The following MLLT3 variants were observed in gnomAD, a reference collection of about 807,000 sequenced individuals.
MLLT3 encodes the protein MLLT3 super elongation complex subunit, also known as protein AF-9.
A neutral mutation model predicts 53.2 loss-of-function variants in MLLT3; 4 were observed. That is an observed-to-expected ratio of 0.08 (90% CI 0.04 to 0.17). MLLT3 has a LOEUF of 0.17. Ranked by LOEUF, MLLT3 falls within the 10% of genes least tolerant of loss-of-function variation. The pLI is 1.00. For missense variants in MLLT3, 569 were observed against 684.0 expected, an observed-to-expected ratio of 0.83 and a Z score of 1.87; for synonymous variants, 283 against 230.6, an observed-to-expected ratio of 1.23 and a Z score of -2.06.
rs183036157 is a variant in MLLT3, at chr9:20,417,520, C to T, written c.421-3095G>A. Among the ~76,000 whole-genome samples the T allele has an allele frequency of 4.5e-4, 69 of 151,810 alleles. 1 individual carries two copies. The Middle Eastern group carries it at 0.01, about 23-fold the overall frequency. ...TAATTAGCATTCAATGTAAAGTTTA[C>T]ACATGTATAATTCAAATTCTCTTCG... On this transcript the variant is annotated intron_variant, in intron 4 of 10. Transcript: ENST00000380338.
intron 2 of MLLT3, among the ~76,000 whole-genome samples, chr9:20,553,630 T>G: frequency 6.6e-6 from 1 of 152,184 alleles, no homozygotes; most frequent in East Asian, 1.9e-4. Context: ...CCCATGCCTA[T>G]GACAGAAAAT....
Position 20,342,268 on chromosome 9 carries a change from C to T in MLLT3, c.*4175G>A. 1 of 222,918 alleles carries T rather than the reference C, an allele frequency of 4.5e-6. No individual in the cohort carries two copies. Among genetic ancestry groups the T allele is most frequent in the East Asian group, 6.6e-5 (1 of 15,260 alleles). 13.8% of individuals were successfully genotyped at this position (222,918 alleles called of 1,614,324 possible). A position where few individuals can be genotyped will look rare whatever the true frequency, so the allele number is the denominator to read the frequency against. On this transcript the variant is annotated 3_prime_UTR_variant, in exon 11 of 11. Transcript: ENST00000380338. ...TTTCTATCAATCTGTACTTACATTT[C>T]AACATGGATTTTAGAGAAGGGAAAT...
intron 2 of MLLT3, among the ~76,000 whole-genome samples, chr9:20,592,861 G>A (rs145281375): frequency 1.3e-5 from 2 of 152,146 alleles, no homozygotes; most frequent in African/African-American, 2.4e-5. Flanking sequence ...AACTATCCTG[G>A]GAATTTTAAG....
chr9:20,431,395 G>C (rs1037981856), intron 4 of MLLT3, among the ~76,000 whole-genome samples: 1 of 152,110 alleles, frequency 6.6e-6, no homozygotes, highest in Non-Finnish European at 1.5e-5. Context: ...GGGAACCACT[G>C]AGTTACAGCA....
chr9:20,465,501 A>AG (rs35586653), intron 2 of MLLT3, among the ~76,000 whole-genome samples: 113,924 of 152,006 alleles, frequency 0.75, 42,963 homozygotes, highest in African/African-American at 0.82. Context: ...TATCAATTGC[A>AG]TAGGGTGATA....
At chr9:20,418,268 T>C (rs1488826255) in intron 4 of MLLT3, 3 of 152,152 alleles carry the variant, frequency 2.0e-5, no homozygotes, top group Admixed American at 2.0e-4. Flanking sequence ...AAAATGTCAA[T>C]AAACACACAA....
At chr9:20,350,594 C>CAA (rs774973521) in intron 10 of MLLT3, among the ~76,000 whole-genome samples, 1 of 124,026 alleles carries the variant, frequency 8.1e-6, no homozygotes, top group Non-Finnish European at 1.5e-5. Flanking sequence ...GACTCCGTCT[C>CAA]AAAAAAAGAA....
chr9:20,596,506 A>G (rs1820270845), intron 2 of MLLT3, among the ~76,000 whole-genome samples: 1 of 152,194 alleles, frequency 6.6e-6, no homozygotes, highest in South Asian at 2.1e-4. Context: ...CCTGGCCAAC[A>G]TGGTGAGACC....
At chr9:20,584,578 C>T (rs1381584154) in intron 2 of MLLT3, among the ~76,000 whole-genome samples, 2 of 152,194 alleles carry the variant, frequency 1.3e-5, no homozygotes, top group Non-Finnish European at 2.9e-5. Flanking sequence ...GTGAAAGGCA[C>T]TTCATACATG....
intron 5 of MLLT3, among the ~76,000 whole-genome samples, chr9:20,391,542 C>A (rs1018658435): frequency 6.6e-6 from 1 of 152,182 alleles, no homozygotes; most frequent in African/African-American, 2.4e-5. Context: ...GATCAAAGAG[C>A]AGCCTGAAAC....
chr9:20,351,210 G>T (rs1399969337), intron 10 of MLLT3, among the ~76,000 whole-genome samples: 1 of 152,170 alleles, frequency 6.6e-6, no homozygotes, highest in Non-Finnish European at 1.5e-5. Flanking sequence ...ATTCTAATAC[G>T]CCACAGATTC....
intron 2 of MLLT3, among the ~76,000 whole-genome samples, chr9:20,595,085 C>T (rs187216369): frequency 3.2e-4 from 48 of 152,024 alleles, no homozygotes; most frequent in African/African-American, 1.0e-3. Flanking sequence ...TGCAGGGTGC[C>T]GTGGCTCACA....
intron 5 of MLLT3, chr9:20,410,726 C>T (rs1822707176): frequency 6.6e-6 from 1 of 152,100 alleles, no homozygotes. Context: ...CATCTTAATA[C>T]TACTGACATT....
intron 4 of MLLT3, among the ~76,000 whole-genome samples, chr9:20,443,167 A>G (rs1823596457): frequency 6.6e-6 from 1 of 152,082 alleles, no homozygotes; most frequent in Admixed American, 6.6e-5. Flanking sequence ...GCAGGAACAA[A>G]CAAACACCCA....
At chr9:20,375,649 C>T (rs867524146) in intron 5 of MLLT3, among the ~76,000 whole-genome samples, 24 of 147,432 alleles carry the variant, frequency 1.6e-4, no homozygotes, top group African/African-American at 5.7e-4. Flanking sequence ...GCTCTGTCAC[C>T]CAGGCTGGAG....
chr9:20,393,898 T>C (rs891269980), intron 5 of MLLT3, among the ~76,000 whole-genome samples: 1 of 152,220 alleles, frequency 6.6e-6, no homozygotes, highest in Non-Finnish European at 1.5e-5. Context: ...TAAACATATA[T>C]AATAAATTGG....
At position 20,536,714 on chromosome 9, in the gene MLLT3, C is replaced by T. The variant is rs192571089; in HGVS notation, c.194-79928G>A. ...TGAAGGGTAATCTTTTGTAGTAGTGCCTATTTTGTTTGTTTTAATAAAATC... is the reference window on the plus strand; with the variant it reads ...TGAAGGGTAATCTTTTGTAGTAGTGTCTATTTTGTTTGTTTTAATAAAATC... On this transcript the variant is annotated intron_variant, in intron 2 of 10. Transcript: ENST00000380338. Among the ~76,000 whole-genome samples the T allele has an allele frequency of 2.7e-3, 409 of 152,160 alleles. 2 individuals are homozygous for T. The highest frequency in any genetic ancestry group is 4.2e-3 in the Non-Finnish European group (287 of 67,990).
chr9:20,395,023 A>G (rs149948202), intron 5 of MLLT3, among the ~76,000 whole-genome samples: 2 of 152,212 alleles, frequency 1.3e-5, no homozygotes, highest in East Asian at 1.9e-4. Flanking sequence ...AATCTCCCCT[A>G]TGTTCAATGG....
chr9:20,347,175 T>C (rs1049174571), intron 10 of MLLT3, among the ~76,000 whole-genome samples: 1 of 151,030 alleles, frequency 6.6e-6, no homozygotes, highest in East Asian at 1.9e-4. Context: ...CCTTCTAGAG[T>C]ACTGGAACTG....
Sources: gnomAD v4.1 joint callset for allele counts (sites outside exome capture counted in the v4.1 genomes callset) on GRCh38, gnomAD v4.1.1 for gene constraint, MANE v1.5 for transcripts, NCBI Gene and HGNC (gene_info 2026-07-23, HGNC 2026-07-21) for gene names.